Variants in MFNG observed in about 807,000 individuals in gnomAD.
The protein encoded by MFNG is MFNG O-fucosylpeptide 3-beta-N-acetylglucosaminyltransferase.
MFNG carries 24 observed loss-of-function variants against 34.2 expected under a neutral mutation model. That is an observed-to-expected ratio of 0.70 (90% confidence interval 0.51 to 0.99). The LOEUF (loss-of-function observed/expected upper bound fraction) is 0.99. Among genes scored for constraint, MFNG ranks in the 50% least tolerant of loss-of-function variants. MFNG has a pLI of 0.00. For synonymous variants in MFNG, 158 were observed against 179.2 expected (o/e 0.88, Z 0.94); for missense variants, 383 against 424.0 (o/e 0.90, Z 0.85).
rs1412940190 is a variant in MFNG, at chr22:37,485,333, A to G, written c.255+590T>C. On this transcript the variant is annotated intron_variant, in intron 1 of 7. Coordinates refer to ENST00000356998, the MANE Select transcript of MFNG (RefSeq NM_002405.4). The surrounding 1 kb of genome is among the most constrained non-coding windows in gnomAD (Gnocchi z 5.3). ...AGGAAGCCAACACAGGAGGCCAGACATGGCGGCCTCGGCACACCCGGGGCA... is the reference window on the plus strand; with the variant it reads ...AGGAAGCCAACACAGGAGGCCAGACGTGGCGGCCTCGGCACACCCGGGGCA... Among the ~76,000 whole-genome samples, 1 of 152,186 alleles carries G rather than the reference A, an allele frequency of 6.6e-6. No homozygotes were observed. Among genetic ancestry groups the G allele is most frequent in the Non-Finnish European group, 1.5e-5 (1 of 68,020 alleles).
rs201470071 is a variant in MFNG at position 37,480,195 on chromosome 22, G to A, written c.407+2C>T. On this transcript the variant is annotated splice_donor_variant, in intron 3 of 7. Coordinates refer to ENST00000356998, the MANE Select transcript of MFNG (RefSeq NM_002405.4). LOFTEE classifies it low-confidence loss of function (GC_TO_GT_DONOR). The stretch of plus-strand genomic sequence containing the variant: ...TATCCCCAGAGACCCAGGAACACTC[G>A]CCTAAGCCCACTGGCCAAGAAGGTG... 1.2e-4 allele frequency: 196 copies of A among 1,603,446 alleles called. No individual in the cohort carries two copies. In the Middle Eastern group the frequency reaches 2.8e-3, roughly 23 times the overall value.
At position 37,474,575 on chromosome 22, in the gene MFNG, G is replaced by C. The variant is rs74729565; in HGVS notation, c.750C>G (p.Ser250Arg). The change falls in exon 6 of 8, where the codon AGC becomes AGG. Residue 250 changes from serine (S) to arginine (R), a missense_variant. Coordinates refer to ENST00000356998, the MANE Select transcript of MFNG (RefSeq NM_002405.4). ...ECKLGGRLQP[S>R]PLFHSHLETL... ...TCTCCAGGTGGGAGTGAAAGAGGGG[G>C]CTGGGCTGCAGGCGGCCGCCCAGCT... 7 of 1,614,168 alleles carry C rather than the reference G, an allele frequency of 4.3e-6. No homozygotes were observed. In the South Asian group the frequency reaches 5.5e-5, roughly 13 times the overall value.
intron 7 of MFNG, among the ~76,000 whole-genome samples, chr22:37,470,758 G>A (rs377316064): frequency 8.5e-5 from 13 of 152,142 alleles, no homozygotes; most frequent in African/African-American, 2.2e-4. Flanking sequence ...CATCACAAGC[G>A]TCCAGACAGA....
intron 4 of MFNG, among the ~76,000 whole-genome samples, chr22:37,478,893 G>T (rs1189910799): frequency 2.0e-5 from 3 of 152,098 alleles, no homozygotes; most frequent in Non-Finnish European, 4.4e-5. Context: ...TGGTCAGGCT[G>T]GTCTCGAACT....
chr22:37,484,047 G>C (rs1000681683), intron 1 of MFNG, among the ~76,000 whole-genome samples: 1 of 152,204 alleles, frequency 6.6e-6, no homozygotes, highest in Non-Finnish European at 1.5e-5. Flanking sequence ...CTGGGGCAGG[G>C]GAGGGGTGGC....
Position 37,480,707 on chromosome 22 carries a change from C to T in MFNG, c.304+14G>A. 6.2e-7 allele frequency: 1 copy of T among 1,612,822 alleles called. No individual in the cohort carries two copies. Among genetic ancestry groups the T allele is most frequent in the Non-Finnish European group, 8.5e-7 (1 of 1,179,228 alleles). ...GCTAAAGTCCCCCACCACACCCAGGCCGGGCAGAGTTACCCAGTCTCTCCT... is the reference window on the plus strand; with the variant it reads ...GCTAAAGTCCCCCACCACACCCAGGTCGGGCAGAGTTACCCAGTCTCTCCT... On this transcript the variant is annotated intron_variant, in intron 2 of 7. Transcript: ENST00000356998.
chr22:37,474,412 G>A, intron 6 of MFNG, 100 bp downstream of exon 6: 1 of 1,382,666 alleles, frequency 7.2e-7, no homozygotes, highest in Non-Finnish European at 9.9e-7. Context: ...ATAATCTGGA[G>A]TTCCAGGTTT....
chr22:37,485,781 G>A lies in MFNG; in HGVS notation c.255+142C>T. 9.3e-7 allele frequency: 1 copy of A among 1,074,136 alleles called. No individual in the cohort carries two copies. Among genetic ancestry groups the A allele is most frequent in the South Asian group, 1.7e-5 (1 of 58,140 alleles). The allele number at this position is 1,074,136 out of a possible 1,614,324, so 66.5% of individuals were successfully genotyped here. On this transcript the variant is annotated intron_variant, in intron 1 of 7. Coordinates refer to ENST00000356998, the MANE Select transcript of MFNG (RefSeq NM_002405.4). This position sits in a 1 kb window ranked among gnomAD's most constrained non-coding sequence, Gnocchi z 5.3. ...CAGCCCCTAAAGCCCGGAAGAAGGAGAGAGGAAGAGGATCCCTGATTAGGC... is the reference window on the plus strand; with the variant it reads ...CAGCCCCTAAAGCCCGGAAGAAGGAAAGAGGAAGAGGATCCCTGATTAGGC...
intron 2 of MFNG, 132 bp downstream of exon 2, chr22:37,480,589 G>T: frequency 1.1e-6 from 1 of 890,100 alleles, no homozygotes; most frequent in Non-Finnish European, 1.8e-6. Flanking sequence ...TCCCTCCTGG[G>T]CAAAGGGGAA....
Position 37,472,498 on chromosome 22 carries a change from T to TC in MFNG, c.843dup (p.Lys282GlufsTer6). ...CCCTGTAGCTTAATGACGTTGAGTT[T>TC]CCCCTCAAAGACACCGTAGCTGAGG... is the stretch of plus-strand genomic sequence containing the variant. On this transcript the variant is annotated frameshift_variant, in exon 7 of 8. Transcript: ENST00000356998. LOFTEE classifies it high-confidence loss of function. The TC allele has an allele frequency of 1.3e-6, 2 of 1,582,730 alleles. No individual in the cohort carries two copies. The highest frequency in any genetic ancestry group is 1.7e-6 in the Non-Finnish European group (2 of 1,167,272).
chr22:37,482,492 C>G lies in MFNG; in HGVS notation c.256-1723G>C, dbSNP rs149769138. On this transcript the variant is annotated intron_variant, in intron 1 of 7. Transcript: ENST00000356998. The surrounding 1 kb of genome is among the most constrained non-coding windows in gnomAD (Gnocchi z 4.1). Reference sequence around the variant, plus strand: ...ACACACACACACACGCACGTGCGCACGCCTCTGAGCCTCTGCGCATGCTAT... The same window carrying G: ...ACACACACACACACGCACGTGCGCAGGCCTCTGAGCCTCTGCGCATGCTAT... Among the ~76,000 whole-genome samples the G allele has an allele frequency of 6.6e-6, 1 of 152,098 alleles. No individual in the cohort carries two copies. Among genetic ancestry groups the G allele is most frequent in the Non-Finnish European group, 1.5e-5 (1 of 68,000 alleles).
chr22:37,480,055 G>A, intron 3 of MFNG, 142 bp downstream of exon 3: 1 of 597,678 alleles, frequency 1.7e-6, no homozygotes, highest in South Asian at 2.6e-5. Context: ...TGAATGTCAG[G>A]ACTGGAACCC....
intron 4 of MFNG, among the ~76,000 whole-genome samples, chr22:37,477,594 G>A (rs954065719): frequency 3.3e-5 from 5 of 152,096 alleles, no homozygotes; most frequent in Non-Finnish European, 5.9e-5. Context: ...CTACAGACGT[G>A]CGCCACCACG....
intron 2 of MFNG, 148 bp from the exon 3 acceptor site, chr22:37,480,447 A>G: frequency 1.5e-6 from 1 of 685,908 alleles, no homozygotes. Flanking sequence ...AGACCCGGGG[A>G]AGGCAGACCT....
At chr22:37,484,862 C>G (rs1922469225) in intron 1 of MFNG, among the ~76,000 whole-genome samples, 1 of 152,178 alleles carries the variant, frequency 6.6e-6, no homozygotes, top group Non-Finnish European at 1.5e-5. Flanking sequence ...GAGGGCCTGG[C>G]CTCTGCCAGC....
intron 7 of MFNG, among the ~76,000 whole-genome samples, chr22:37,470,462 G>A (rs973240436): frequency 6.6e-6 from 1 of 152,178 alleles, no homozygotes; most frequent in Admixed American, 6.5e-5. Flanking sequence ...ATGACTTCTA[G>A]AATCTTCAAG....
rs1051599828 is a variant in MFNG, at chr22:37,480,139, G to C, written c.407+58C>G. On this transcript the variant is annotated intron_variant, in intron 3 of 7. Transcript: ENST00000356998. Reference sequence around the variant, plus strand: ...CTGAAGTCAGACCCCAGGAGTCCCAGGGGTTATTTTCACTGGGCCCAGACC... The same window carrying C: ...CTGAAGTCAGACCCCAGGAGTCCCACGGGTTATTTTCACTGGGCCCAGACC... The C allele has an allele frequency of 1.6e-5, 23 of 1,404,044 alleles. No individual in the cohort carries two copies. The African/African-American group carries it at 3.1e-4, about 19-fold the overall frequency. The allele number at this position is 1,404,044 out of a possible 1,614,324, so 87.0% of individuals were successfully genotyped here.
chr22:37,471,206 G>A (rs1218616633), intron 7 of MFNG, among the ~76,000 whole-genome samples: 5 of 152,080 alleles, frequency 3.3e-5, no homozygotes, highest in Non-Finnish European at 7.4e-5. Context: ...TCCTCTACTC[G>A]TTACCTCCCT....
Position 37,476,962 on chromosome 22 carries a change from A to C in MFNG, c.581T>G (p.Phe194Cys). Residue 194 changes from phenylalanine (F) to cysteine (C), a missense_variant, in exon 5 of 8, where the codon TTT (phenylalanine) becomes TGT (cysteine). Coordinates refer to ENST00000356998, the MANE Select transcript of MFNG (RefSeq NM_002405.4). ...GCAGAAGCCAGCACCCCCAGTGGCA[A>C]ACCAGAACTGTACCAGCCTCTGAGA... ...HNRTRLVQFW[F>C]ATGGAGFCIN... 6.2e-7 allele frequency: 1 copy of C among 1,614,146 alleles called. No individual in the cohort carries two copies. Among genetic ancestry groups the C allele is most frequent in the Non-Finnish European group, 8.5e-7 (1 of 1,180,014 alleles).
Sources: gnomAD v4.1 joint callset for allele counts (sites outside exome capture counted in the v4.1 genomes callset) on GRCh38, gnomAD v4.1.1 for gene constraint, Gnocchi (gnomAD v3.1) non-coding constraint, MANE v1.5 for transcripts, NCBI Gene and HGNC (gene_info 2026-07-23, HGNC 2026-07-21) for gene names.